The following IGF2R variants were observed in gnomAD, a reference collection of about 807,000 sequenced individuals.
The protein encoded by IGF2R is insulin like growth factor 2 receptor, also known as cation-independent mannose-6-phosphate receptor.
Under a neutral mutation model 270.6 loss-of-function variants are expected in IGF2R, and 91 were observed. The ratio of observed to expected loss-of-function variants is 0.34; its 90% confidence interval spans 0.28 to 0.40. IGF2R has a LOEUF of 0.40. IGF2R is among the 10% of genes least tolerant of loss of function. IGF2R has a pLI of 1.00. For synonymous variants in IGF2R, 1,316 were observed against 1,258.9 expected (o/e 1.05, Z -0.96); for missense variants, 2,805 against 3,188.3 (o/e 0.88, Z 2.90).
chr6:160,047,113 T>G, intron 15 of IGF2R, 46 bp from the exon 16 acceptor site: 1 of 1,586,158 alleles, frequency 6.3e-7, no homozygotes, highest in Non-Finnish European at 8.7e-7. Context: ...CTTGGAGTGC[T>G]TCTGCCCCTC....
At chr6:160,065,554 T>C (rs1234810463) in intron 29 of IGF2R, among the ~76,000 whole-genome samples, 1 of 152,108 alleles carries the variant, frequency 6.6e-6, no homozygotes, top group African/African-American at 2.4e-5. Flanking sequence ...TAAATCATAA[T>C]TTTAGTAACC....
chr6:160,069,778 G>A (rs1353298516), intron 30 of IGF2R, 90 bp from the exon 31 acceptor site: 5 of 1,160,796 alleles, frequency 4.3e-6, no homozygotes, highest in East Asian at 2.4e-5. Flanking sequence ...ATGAAGTTCT[G>A]CAGCGTGTGT....
At chr6:160,012,613 A>C (rs2115208483) in intron 4 of IGF2R, among the ~76,000 whole-genome samples, 1 of 151,788 alleles carries the variant, frequency 6.6e-6, no homozygotes, top group Non-Finnish European at 1.5e-5. Flanking sequence ...GGGTGATGGA[A>C]TCTGCCCTCA....
chr6:159,976,287 T>C (rs1783692833), intron 1 of IGF2R, among the ~76,000 whole-genome samples: 1 of 152,190 alleles, frequency 6.6e-6, no homozygotes, highest in Non-Finnish European at 1.5e-5. Flanking sequence ...TTTAATTGTG[T>C]ATTCATATTT....
chr6:159,990,331 C>T (rs900424654), intron 1 of IGF2R, among the ~76,000 whole-genome samples: 4 of 152,028 alleles, frequency 2.6e-5, no homozygotes, highest in East Asian at 1.9e-4. Flanking sequence ...ATCATGGGGG[C>T]GGTTACCCTT....
intron 7 of IGF2R, among the ~76,000 whole-genome samples, chr6:160,031,887 G>C (rs1777704933): frequency 6.6e-6 from 1 of 152,128 alleles, no homozygotes; most frequent in Admixed American, 6.5e-5. Flanking sequence ...TGACATTCCT[G>C]GTGAGCAGGG....
At position 160,078,278 on chromosome 6, in the gene IGF2R, A is replaced by C; in HGVS notation, c.5394A>C (p.Glu1798Asp). ...AGACTCCTGTCGTCTGTCCTGATGA[A>C]GTGAGGATGGATGGCTGTACCCTGA... ...EWETPVVCPD[E>D]VRMDGCTLTD... The change falls in exon 37 of 48, where the codon GAA becomes GAC. Residue 1798 changes from glutamate to aspartate, a missense_variant. Physicochemically the swap from Glu to Asp is conservative, Grantham distance 45. Transcript: ENST00000356956. 1 of 1,614,174 alleles carries C rather than the reference A, an allele frequency of 6.2e-7. No homozygotes were observed. The highest frequency in any genetic ancestry group is 8.5e-7 in the Non-Finnish European group (1 of 1,179,998).
chr6:159,975,692 A>ATG, intron 1 of IGF2R, among the ~76,000 whole-genome samples: 1 of 147,022 alleles, frequency 6.8e-6, no homozygotes, highest in East Asian at 2.0e-4. Context: ...ATTTATATAT[A>ATG]TATATATATA....
At chr6:160,042,659 A>G (rs56194041) in intron 11 of IGF2R, among the ~76,000 whole-genome samples, 2,513 of 152,244 alleles carry the variant, frequency 0.017, 69 homozygotes, top group African/African-American at 0.058. Context: ...GGTAGCATGC[A>G]TTGCATCCTG....
At chr6:160,029,819 G>A (rs1777656157) in intron 7 of IGF2R, among the ~76,000 whole-genome samples, 164 bp downstream of exon 7, 1 of 152,228 alleles carries the variant, frequency 6.6e-6, no homozygotes, top group Admixed American at 6.5e-5. Context: ...TCCTGGGATA[G>A]CTTCTGTCAC....
chr6:160,034,590 G>C, intron 10 of IGF2R, 68 bp downstream of exon 10: 1 of 1,038,708 alleles, frequency 9.6e-7, no homozygotes, highest in Non-Finnish European at 1.5e-6. Context: ...TGTGTGCACA[G>C]GCGTGTTCTT....
intron 10 of IGF2R, among the ~76,000 whole-genome samples, chr6:160,036,186 G>A (rs935690077): frequency 4.6e-5 from 7 of 152,172 alleles, no homozygotes; most frequent in Non-Finnish European, 7.4e-5. Context: ...TCTGACTCGT[G>A]AATGAGAAAA....
At chr6:160,072,429 C>T (rs1463067774) in intron 32 of IGF2R, among the ~76,000 whole-genome samples, 2 of 152,158 alleles carry the variant, frequency 1.3e-5, no homozygotes, top group East Asian at 3.9e-4. Context: ...GTGCTGGGCA[C>T]CCAGAAAGGC....
rs1423090304 is a variant in IGF2R at position 160,107,074 on chromosome 6, A to G, written c.*1990A>G. On this transcript the variant is annotated 3_prime_UTR_variant, in exon 48 of 48. Coordinates refer to ENST00000356956, the MANE Select transcript of IGF2R (RefSeq NM_000876.4). ...AGAGTCCAAAAACCTCAACCGTCTC[A>G]TTTTTAAATTATCCAATTGGAGTTA... The G allele has an allele frequency of 6.6e-6, 1 of 152,106 alleles. No homozygotes were observed. The highest frequency in any genetic ancestry group is 1.9e-4 in the East Asian group (1 of 5,196). 9.4% of individuals were successfully genotyped at this position (152,106 alleles called of 1,614,324 possible). A position where few individuals can be genotyped will look rare whatever the true frequency, so the allele number is the denominator to read the frequency against.
chr6:160,089,567 T>C (rs1472973334), intron 43 of IGF2R, among the ~76,000 whole-genome samples: 1 of 152,216 alleles, frequency 6.6e-6, no homozygotes, highest in Non-Finnish European at 1.5e-5. Context: ...GGCTTACCAG[T>C]GTTTAGAAAA....
At chr6:160,044,128 A>G (rs1445147246) in intron 12 of IGF2R, among the ~76,000 whole-genome samples, 1 of 152,218 alleles carries the variant, frequency 6.6e-6, no homozygotes, top group African/African-American at 2.4e-5. Flanking sequence ...GTGCTTTCAA[A>G]AGACTTTGTG....
At chr6:160,037,411 T>A (rs1028712401) in intron 10 of IGF2R, among the ~76,000 whole-genome samples, 1 of 152,252 alleles carries the variant, frequency 6.6e-6, no homozygotes. Flanking sequence ...GAATTTAAAC[T>A]TAGAGTTTTT....
rs1583308901 is a variant in IGF2R at position 160,102,693 on chromosome 6, G to A, written c.6995+22G>A. 1 of 1,567,628 alleles carries A rather than the reference G, an allele frequency of 6.4e-7. No individual in the cohort carries two copies. The highest frequency in any genetic ancestry group is 1.9e-5 in the Admixed American group (1 of 53,262). On this transcript the variant is annotated intron_variant, in intron 46 of 47. Transcript: ENST00000356956. This position sits in a 1 kb window ranked among gnomAD's most constrained non-coding sequence, Gnocchi z 4.5. ...GGAGGTAAGCGGGTGGCAGGGCGAG[G>A]TGGGGCGGGTGGATGCATGCCTCCC...
chr6:160,109,604 T>C lies in IGF2R; in HGVS notation c.*4520T>C, dbSNP rs974447171. 6.6e-6 allele frequency: 1 copy of C among 152,184 alleles called. No individual in the cohort carries two copies. Among genetic ancestry groups the C allele is most frequent in the Non-Finnish European group, 1.5e-5 (1 of 68,034 alleles). 9.4% of individuals were successfully genotyped at this position (152,184 alleles called of 1,614,324 possible). On this transcript the variant is annotated 3_prime_UTR_variant, in exon 48 of 48. Transcript: ENST00000356956. ...CTGCCAGCTAAGCCTTAGTGCTGTT[T>C]CGGTGTTGACAGCTGTCACAATGAT...
Sources: allele counts gnomAD v4.1 joint callset (sites outside exome capture counted in the v4.1 genomes callset), GRCh38; gene constraint gnomAD v4.1.1; non-coding constraint Gnocchi (gnomAD v3.1); transcripts MANE v1.5; gene names NCBI Gene and HGNC (gene_info 2026-07-23, HGNC 2026-07-21).